The following METTL25 variants were observed in gnomAD, a reference collection of about 807,000 sequenced individuals.
METTL25 encodes probable methyltransferase-like protein 25.
METTL25 carries 64 observed loss-of-function variants against 71.6 expected under a neutral mutation model. That is an observed-to-expected ratio of 0.89 (90% CI 0.73 to 1.10). The LOEUF is 1.10. Ranked by LOEUF, METTL25 falls within the 50% of genes least tolerant of loss-of-function variation. METTL25 has a pLI of 0.00. For synonymous variants in METTL25, 287 were observed against 250.3 expected, an observed-to-expected ratio of 1.15 and a Z score of -1.38; for missense variants, 807 against 707.0, an observed-to-expected ratio of 1.14 and a Z score of -1.60.
intron 5 of METTL25, among the ~76,000 whole-genome samples, chr12:82,421,804 G>A (rs1189355265): frequency 6.6e-6 from 1 of 152,088 alleles, no homozygotes; most frequent in African/African-American, 2.4e-5. Flanking sequence ...TAGAAGAAAT[G>A]GATAAATTCC....
chr12:82,400,338 C>CA (rs67688329), intron 4 of METTL25, among the ~76,000 whole-genome samples: 1,827 of 135,592 alleles, frequency 0.013, 27 homozygotes, highest in African/African-American at 0.05. Flanking sequence ...TCCCCCCCAA[C>CA]AAAAAAAAAA....
intron 5 of METTL25, among the ~76,000 whole-genome samples, chr12:82,421,977 T>A (rs1026830631): frequency 1.3e-5 from 2 of 151,994 alleles, no homozygotes; most frequent in African/African-American, 4.8e-5. Context: ...TACAAGGAGG[T>A]GCTGGTACCA....
chr12:82,471,368 A>G (rs927817225), intron 9 of METTL25, among the ~76,000 whole-genome samples: 2 of 152,160 alleles, frequency 1.3e-5, no homozygotes, highest in African/African-American at 4.8e-5. Flanking sequence ...CTTTCAGTTT[A>G]TGGCACCTGC....
chr12:82,467,421 G>A (rs1056959184), intron 9 of METTL25, among the ~76,000 whole-genome samples: 1 of 151,932 alleles, frequency 6.6e-6, no homozygotes, highest in Non-Finnish European at 1.5e-5. Context: ...TTCACTTCCA[G>A]ATGTAAGACT....
chr12:82,473,112 G>A (rs966993148), intron 9 of METTL25, among the ~76,000 whole-genome samples: 5 of 152,074 alleles, frequency 3.3e-5, no homozygotes, highest in East Asian at 1.9e-4. Flanking sequence ...TGAGTGTCTC[G>A]GTGGCCTAGG....
At chr12:82,370,149 G>C (rs1395179636) in intron 1 of METTL25, among the ~76,000 whole-genome samples, 1 of 152,172 alleles carries the variant, frequency 6.6e-6, no homozygotes, top group Non-Finnish European at 1.5e-5. Flanking sequence ...CCCTGCAGTT[G>C]TAGTGTCCTC....
intron 8 of METTL25, among the ~76,000 whole-genome samples, chr12:82,442,252 G>A (rs1890405153): frequency 6.6e-6 from 1 of 152,078 alleles, no homozygotes; most frequent in South Asian, 2.1e-4. Flanking sequence ...AATAGAAGCT[G>A]ACTTACCTTT....
intron 7 of METTL25, among the ~76,000 whole-genome samples, chr12:82,438,015 A>G (rs576930374): frequency 1.3e-5 from 2 of 151,722 alleles, no homozygotes; most frequent in Admixed American, 6.6e-5. Flanking sequence ...ATAAATAGTA[A>G]TGTTTTACTT....
intron 5 of METTL25, among the ~76,000 whole-genome samples, chr12:82,413,672 T>A (rs893376956): frequency 6.6e-6 from 1 of 152,098 alleles, no homozygotes; most frequent in Non-Finnish European, 1.5e-5. Flanking sequence ...GTTCTGATGA[T>A]ACCATTCTAT....
At chr12:82,419,706 C>G (rs1299101003) in intron 5 of METTL25, among the ~76,000 whole-genome samples, 2 of 91,170 alleles carry the variant, frequency 2.2e-5, no homozygotes, top group Non-Finnish European at 4.9e-5. Context: ...AAAAAAAAAG[C>G]CACAGGACAA....
At chr12:82,369,539 A>C (rs1200611456) in intron 1 of METTL25, 1 of 440,358 alleles carries the variant, frequency 2.3e-6, no homozygotes, top group East Asian at 7.6e-5. Context: ...TGACTTCAAG[A>C]ATGAAGCCGC....
rs565278986 is a variant in METTL25, at chr12:82,434,639, A to G, written c.1375-56A>G. The G allele has an allele frequency of 2.1e-5, 18 of 866,780 alleles. No homozygotes were observed. In the African/African-American group the frequency reaches 2.6e-4, roughly 13 times the overall value. The allele number at this position is 866,780 out of a possible 1,614,324, so 53.7% of individuals were successfully genotyped here. On this transcript the variant is annotated intron_variant, in intron 6 of 11. Coordinates refer to ENST00000248306, the MANE Select transcript of METTL25 (RefSeq NM_032230.3). ...TTACAAACTCTTATACAGTGTGTTT[A>G]TAAATCTTATAAGACTCAATATATC...
chr12:82,438,581 T>C (rs1447868153), intron 7 of METTL25, 137 bp from the exon 8 acceptor site: 4 of 391,856 alleles, frequency 1.0e-5, no homozygotes, highest in Non-Finnish European at 1.8e-5. Context: ...TCGCTCGTAA[T>C]GGAAAAATTA....
chr12:82,478,840 G>A, intron 11 of METTL25, 92 bp from the exon 12 acceptor site: 2 of 948,316 alleles, frequency 2.1e-6, no homozygotes, highest in Admixed American at 2.5e-5. Flanking sequence ...TTGTTTTTAT[G>A]TATTTTTTAT....
chr12:82,402,497 A>T (rs894989211), intron 4 of METTL25, among the ~76,000 whole-genome samples: 1 of 152,144 alleles, frequency 6.6e-6, no homozygotes, highest in African/African-American at 2.4e-5. Flanking sequence ...AAATATAAAC[A>T]GGTAAATAAG....
rs150546945 is a variant in METTL25, at chr12:82,446,000, G to A, written c.1478+7209G>A. Among the ~76,000 whole-genome samples the A allele has an allele frequency of 2.6e-3, 394 of 152,070 alleles. 2 individuals are homozygous for A. Among genetic ancestry groups the A allele is most frequent in the African/African-American group, 8.9e-3 (371 of 41,500 alleles). On this transcript the variant is annotated intron_variant, in intron 8 of 11. Transcript: ENST00000248306. ...CAAATTTTTTACTGCATAGGATGTC[G>A]GCACCCCTAATCCCCATGTTGTTTA...
rs113623809 is a variant in METTL25 at position 82,360,215 on chromosome 12, A to AC, written c.259+1392dup. On this transcript the variant is annotated intron_variant, in intron 1 of 11. Coordinates refer to ENST00000248306, the MANE Select transcript of METTL25 (RefSeq NM_032230.3). ...AATACGTGTTTAGCCTGGTCTCCAGACAATGGTAGAGTCAGATTGTCTTAC... is the reference window on the plus strand; with the variant it reads ...AATACGTGTTTAGCCTGGTCTCCAGACCAATGGTAGAGTCAGATTGTCTTAC... 3.9e-3 allele frequency among the ~76,000 whole-genome samples: 594 copies of AC among 152,342 alleles called. 2 individuals are homozygous for AC. The highest frequency in any genetic ancestry group is 0.014 in the African/African-American group (567 of 41,576).
intron 5 of METTL25, among the ~76,000 whole-genome samples, chr12:82,415,579 GACT>G (rs1484864224): frequency 6.6e-6 from 1 of 152,088 alleles, no homozygotes; most frequent in Non-Finnish European, 1.5e-5. Context: ...TCCTGTGTGA[GACT>G]AAACGCCTGA....
At chr12:82,472,232 A>G (rs974364032) in intron 9 of METTL25, among the ~76,000 whole-genome samples, 3 of 151,728 alleles carry the variant, frequency 2.0e-5, no homozygotes, top group Non-Finnish European at 4.4e-5. Context: ...AGTGTGAGAA[A>G]CTCTTAGTGG....
Sources: gnomAD v4.1 joint callset for allele counts (sites outside exome capture counted in the v4.1 genomes callset) on GRCh38, gnomAD v4.1.1 for gene constraint, MANE v1.5 for transcripts, NCBI Gene and HGNC (gene_info 2026-07-23, HGNC 2026-07-21) for gene names.